The following COL5A1 variants were observed in gnomAD, a reference collection of about 807,000 sequenced individuals.
COL5A1 encodes collagen type V alpha 1 chain, also known as collagen alpha-1(V) chain.
Under a neutral mutation model 263.7 loss-of-function variants are expected in COL5A1, and 16 were observed. The ratio of observed to expected loss-of-function variants is 0.06; its 90% CI spans 0.04 to 0.09. The LOEUF (loss-of-function observed/expected upper bound fraction) is 0.09. Ranked by LOEUF, COL5A1 falls within the 10% of genes least tolerant of loss-of-function variation. The pLI is 1.00. For missense variants in COL5A1, 2,036 were observed against 2,540.5 expected (o/e 0.80, Z 4.27); for synonymous variants, 1,012 against 1,004.5 (o/e 1.01, Z -0.14).
At position 134,686,250 on chromosome 9, in the gene COL5A1, C is replaced by T. The variant is rs1833075963; in HGVS notation, c.110-4662C>T. On this transcript the variant is annotated intron_variant, in intron 1 of 65. Coordinates refer to ENST00000371817, the MANE Select transcript of COL5A1 (RefSeq NM_000093.5). The surrounding 1 kb of genome is among the most constrained non-coding windows in gnomAD (Gnocchi z 4.6). ...CCTCCTTCTCCTTCTCCTTTTTCTT[C>T]TTCTTTCTCTTCCTTTTTTTCGAGA... is the stretch of plus-strand genomic sequence containing the variant. Among the ~76,000 whole-genome samples, 2 of 151,878 alleles carry T rather than the reference C, an allele frequency of 1.3e-5. No individual in the cohort carries two copies. Among genetic ancestry groups the T allele is most frequent in the Admixed American group, 1.3e-4 (2 of 15,234 alleles).
intron 31 of COL5A1, among the ~76,000 whole-genome samples, chr9:134,787,678 T>G (rs1386596659): frequency 6.6e-6 from 1 of 152,204 alleles, no homozygotes; most frequent in East Asian, 1.9e-4. Flanking sequence ...GTGCATAAAT[T>G]TGCATTCATT....
intron 9 of COL5A1, chr9:134,732,349 G>A (rs781176858): frequency 1.9e-5 from 12 of 641,470 alleles, no homozygotes; most frequent in African/African-American, 7.2e-5. Flanking sequence ...TGGAGGGGGC[G>A]GGATAGGTGC....
At chr9:134,759,505 GCACACACACATA>G (rs1836166300) in intron 18 of COL5A1, among the ~76,000 whole-genome samples, 1 of 97,276 alleles carries the variant, frequency 1.0e-5, no homozygotes, top group Admixed American at 1.2e-4. Context: ...ATACACACAT[GCACACACACATA>G]CACACACCAC....
Position 134,841,667 on chromosome 9 carries a change from T to G in COL5A1, c.5371-490T>G, listed in dbSNP as rs1271888925. Among the ~76,000 whole-genome samples, 1 of 152,102 alleles carries G rather than the reference T, an allele frequency of 6.6e-6. No homozygotes were observed. Among genetic ancestry groups the G allele is most frequent in the Non-Finnish European group, 1.5e-5 (1 of 68,020 alleles). On this transcript the variant is annotated intron_variant, in intron 65 of 65. Transcript: ENST00000371817. This position sits in a 1 kb window ranked among gnomAD's most constrained non-coding sequence, Gnocchi z 4.8. Reference sequence around the variant, plus strand: ...GTGGCAGGTGGTCGTAGGGGGGTCTTACTTGGCTCAAGGCTCTGCCGGTGC... The same window carrying G: ...GTGGCAGGTGGTCGTAGGGGGGTCTGACTTGGCTCAAGGCTCTGCCGGTGC...
At chr9:134,683,028 C>T (rs1426875092) in intron 1 of COL5A1, among the ~76,000 whole-genome samples, 1 of 152,236 alleles carries the variant, frequency 6.6e-6, no homozygotes, top group Middle Eastern at 3.2e-3. Flanking sequence ...CGGCCTCAGA[C>T]CCGGCTTCCT....
rs932771623 is a variant in COL5A1 at position 134,821,758 on chromosome 9, A to G, written c.4555-339A>G. 7.9e-5 allele frequency among the ~76,000 whole-genome samples: 12 copies of G among 152,264 alleles called. No homozygotes were observed. The highest frequency in any genetic ancestry group is 1.6e-4 in the Non-Finnish European group (11 of 68,044). On this transcript the variant is annotated intron_variant, in intron 58 of 65. Transcript: ENST00000371817. This position sits in a 1 kb window ranked among gnomAD's most constrained non-coding sequence, Gnocchi z 4.2. ...AAGAGGGGCCCAAGCCAGGGCCACA[A>G]TGTCAGGGCAGTGGTTTCTGTATTT...
intron 32 of COL5A1, among the ~76,000 whole-genome samples, chr9:134,792,573 C>T (rs374328071): frequency 6.6e-5 from 10 of 152,064 alleles, no homozygotes; most frequent in Non-Finnish European, 8.8e-5. Flanking sequence ...TCATGTTGAC[C>T]GGGCCAGTTT....
intron 44 of COL5A1, 120 bp downstream of exon 44, chr9:134,810,428 T>A: frequency 1.0e-6 from 1 of 959,100 alleles, no homozygotes. Context: ...CGGGACATGC[T>A]GTGAAAATCT....
Position 134,678,386 on chromosome 9 carries a change from C to T in COL5A1, c.110-12526C>T, listed in dbSNP as rs182725373. On this transcript the variant is annotated intron_variant, in intron 1 of 65. Coordinates refer to ENST00000371817, the MANE Select transcript of COL5A1 (RefSeq NM_000093.5). This position sits in a 1 kb window ranked among gnomAD's most constrained non-coding sequence, Gnocchi z 5.5. ...TCAGCTGCCCCTCCCCCATGGTGCT[C>T]GGGTGCATGGATGGTGCCCAGGGTC... 7.1e-4 allele frequency among the ~76,000 whole-genome samples: 108 copies of T among 152,310 alleles called. No individual in the cohort carries two copies. The highest frequency in any genetic ancestry group is 2.2e-3 in the African/African-American group (93 of 41,580).
intron 1 of COL5A1, among the ~76,000 whole-genome samples, chr9:134,657,496 T>G (rs1320139643): frequency 4.7e-4 from 10 of 21,238 alleles, no homozygotes; most frequent in South Asian, 2.7e-3. Context: ...GGGGGTGGGG[T>G]GGGAGTGTAG....
rs897342924 is a variant in COL5A1, at chr9:134,696,037, C to A, written c.278-3872C>A. On this transcript the variant is annotated intron_variant, in intron 2 of 65. Coordinates refer to ENST00000371817, the MANE Select transcript of COL5A1 (RefSeq NM_000093.5). The surrounding 1 kb of genome is among the most constrained non-coding windows in gnomAD (Gnocchi z 4.3). ...CTTAGCCCGGCCCCTCCTGGGCTGCCAGGGTCCAGCTGAAACCTCAGCCGC... is the reference window on the plus strand; with the variant it reads ...CTTAGCCCGGCCCCTCCTGGGCTGCAAGGGTCCAGCTGAAACCTCAGCCGC... 6.6e-6 allele frequency among the ~76,000 whole-genome samples: 1 copy of A among 152,200 alleles called. No individual in the cohort carries two copies. Among genetic ancestry groups the A allele is most frequent in the African/African-American group, 2.4e-5 (1 of 41,448 alleles).
chr9:134,765,208 G>A lies in COL5A1; in HGVS notation c.2035-473G>A, dbSNP rs114140544. 6.4e-3 allele frequency among the ~76,000 whole-genome samples: 982 copies of A among 152,252 alleles called. 7 individuals carry two copies. Among genetic ancestry groups the A allele is most frequent in the Middle Eastern group, 0.02 (6 of 294 alleles). On this transcript the variant is annotated intron_variant, in intron 20 of 65. Transcript: ENST00000371817. The surrounding 1 kb of genome is among the most constrained non-coding windows in gnomAD (Gnocchi z 5.1). ...TCCCACCAGGGACTAGTTTCACCTG[G>A]TGCTCTCCTGCCCGCACCCTCTGAC...
At chr9:134,668,546 C>T (rs941799275) in intron 1 of COL5A1, among the ~76,000 whole-genome samples, 2 of 147,718 alleles carry the variant, frequency 1.4e-5, no homozygotes, top group African/African-American at 5.2e-5. Flanking sequence ...CTTTACCCAC[C>T]CATTCATCCA....
At chr9:134,735,367 CTT>C (rs1363371008) in intron 9 of COL5A1, among the ~76,000 whole-genome samples, 1 of 152,036 alleles carries the variant, frequency 6.6e-6, no homozygotes, top group African/African-American at 2.4e-5. Context: ...AAAGTGTACT[CTT>C]TTGGCAAATG....
chr9:134,641,884 CGGCGAGGAGGA>C lies in COL5A1; in HGVS notation c.-297_-287del, dbSNP rs2132453980. 2.6e-6 allele frequency: 1 copy of C among 388,706 alleles called. No individual in the cohort carries two copies. The highest frequency in any genetic ancestry group is 1.3e-4 in the South Asian group (1 of 7,486). The allele number at this position is 388,706 out of a possible 1,614,324, so 24.1% of individuals were successfully genotyped here. Reference sequence around the variant, plus strand: ...CGGGGAGCGGGTCGCGGGGCGGCGGCGGCGAGGAGGAGGCGAGAAGGAGTTGGAGGAGGAGG... The same window carrying C: ...CGGGGAGCGGGTCGCGGGGCGGCGGCGGCGAGAAGGAGTTGGAGGAGGAGG... On this transcript the variant is annotated 5_prime_UTR_variant, in exon 1 of 66. Coordinates refer to ENST00000371817, the MANE Select transcript of COL5A1 (RefSeq NM_000093.5).
intron 50 of COL5A1, 84 bp from the exon 51 acceptor site, chr9:134,815,492 C>A (rs1223925931): frequency 1.4e-6 from 2 of 1,400,850 alleles, no homozygotes; most frequent in Non-Finnish European, 2.0e-6. Flanking sequence ...AGGTGGCCAT[C>A]TTGAGGTGGT....
In COL5A1 at chr9:134,818,594, C is replaced by T. The variant is rs1370895596; in HGVS notation, c.4231-62C>T. The stretch of plus-strand genomic sequence containing the variant: ...TGCCCAGGGTTTCCGAGCAGTGGTC[C>T]TGGGCCAGGGTGCCTGGAGCCTAGA... On this transcript the variant is annotated intron_variant, in intron 54 of 65. Coordinates refer to ENST00000371817, the MANE Select transcript of COL5A1 (RefSeq NM_000093.5). This position sits in a 1 kb window ranked among gnomAD's most constrained non-coding sequence, Gnocchi z 6.0. The T allele has an allele frequency of 7.7e-6, 10 of 1,295,658 alleles. No homozygotes were observed. The highest frequency in any genetic ancestry group is 8.8e-6 in the Non-Finnish European group (8 of 911,432). 80.3% of individuals were successfully genotyped at this position (1,295,658 alleles called of 1,614,324 possible). A position where few individuals can be genotyped will look rare whatever the true frequency, so the allele number is the denominator to read the frequency against.
chr9:134,730,515 G>A (rs1834842730), intron 7 of COL5A1, 40 bp downstream of exon 7: 2 of 1,612,410 alleles, frequency 1.2e-6, no homozygotes, highest in Non-Finnish European at 1.7e-6. Context: ...CTGGGGCAGT[G>A]GGCCAAGGGC....
rs1244750337 is a variant in COL5A1 at position 134,755,792 on chromosome 9, TTC to T, written c.1828-967_1828-966del. ...CTGTCTCCTTGGGGTGTGTTTGGAT[TTC>T]TCTCTTTTTGCTTCTCGGCTGTTCT... On this transcript the variant is annotated intron_variant, in intron 16 of 65. Coordinates refer to ENST00000371817, the MANE Select transcript of COL5A1 (RefSeq NM_000093.5). The surrounding 1 kb of genome is among the most constrained non-coding windows in gnomAD (Gnocchi z 4.1). Among the ~76,000 whole-genome samples, 1 of 152,136 alleles carries T rather than the reference TTC, an allele frequency of 6.6e-6. No individual in the cohort carries two copies. Among genetic ancestry groups the T allele is most frequent in the East Asian group, 1.9e-4 (1 of 5,182 alleles).
Sources: allele counts gnomAD v4.1 joint callset (sites outside exome capture counted in the v4.1 genomes callset), GRCh38; gene constraint gnomAD v4.1.1; non-coding constraint Gnocchi (gnomAD v3.1); transcripts MANE v1.5; gene names NCBI Gene and HGNC (gene_info 2026-07-23, HGNC 2026-07-21).